Variants in PRKCE observed in about 807,000 individuals in gnomAD.
PRKCE encodes protein kinase C epsilon.
In PRKCE, 16 loss-of-function variants were observed where a neutral mutation model predicts 85.4. The ratio of observed to expected loss-of-function variants is 0.19; its 90% CI spans 0.13 to 0.28. The LOEUF (loss-of-function observed/expected upper bound fraction) is 0.28, where lower values mean the gene tolerates loss of function less well. PRKCE is among the 10% of genes least tolerant of loss of function. The pLI is 1.00. For missense variants in PRKCE, 573 were observed against 975.2 expected (o/e 0.59, Z 5.49); for synonymous variants, 388 against 371.5 (o/e 1.04, Z -0.51).
chr2:45,748,048 T>C (rs1315005250), intron 1 of PRKCE, among the ~76,000 whole-genome samples: 1 of 152,210 alleles, frequency 6.6e-6, no homozygotes, highest in Non-Finnish European at 1.5e-5. Flanking sequence ...ATAGGGGTTC[T>C]TTGTATATTC....
chr2:45,676,156 G>C (rs1187763441), intron 1 of PRKCE: 2 of 152,142 alleles, frequency 1.3e-5, no homozygotes, highest in Non-Finnish European at 2.9e-5. Flanking sequence ...GCTTCACTGG[G>C]GGTGTCATTA....
At chr2:45,677,974 C>G (rs1412810591) in intron 1 of PRKCE, 3 of 837,986 alleles carry the variant, frequency 3.6e-6, no homozygotes, top group African/African-American at 1.8e-5. Context: ...ATGTAAATAT[C>G]AACTTGATTT....
At chr2:46,058,940 C>G (rs918968319) in intron 10 of PRKCE, among the ~76,000 whole-genome samples, 1 of 152,192 alleles carries the variant, frequency 6.6e-6, no homozygotes, top group African/African-American at 2.4e-5. Flanking sequence ...TCAAGTGATC[C>G]TCTTGCCTTC....
At chr2:45,678,055 A>G (rs997481417) in intron 1 of PRKCE, 2 of 220,210 alleles carry the variant, frequency 9.1e-6, no homozygotes, top group Non-Finnish European at 7.7e-6. Context: ...CCAGGGGGAA[A>G]ACTTTGTGGT....
At chr2:45,702,685 C>CT (rs563526016) in intron 1 of PRKCE, among the ~76,000 whole-genome samples, 18 of 152,082 alleles carry the variant, frequency 1.2e-4, no homozygotes, top group Admixed American at 6.5e-4. Context: ...TAGAACCCTT[C>CT]TTTTTTTTCC....
At chr2:45,984,523 G>T in intron 5 of PRKCE, 28 bp from the exon 6 acceptor site, 1 of 1,598,018 alleles carries the variant, frequency 6.3e-7, no homozygotes, top group South Asian at 1.1e-5. Flanking sequence ...GAGCTCGGTG[G>T]TGAACCTGTA....
intron 1 of PRKCE, among the ~76,000 whole-genome samples, chr2:45,801,017 A>C (rs560477246): frequency 1.3e-5 from 2 of 152,088 alleles, no homozygotes; most frequent in Non-Finnish European, 2.9e-5. Context: ...GATGGGTAAG[A>C]ATTAGTGGGG....
chr2:46,075,398 A>G (rs573453192), intron 10 of PRKCE, among the ~76,000 whole-genome samples: 24 of 152,050 alleles, frequency 1.6e-4, no homozygotes, highest in Non-Finnish European at 2.2e-4. Context: ...ACAGCTGGCT[A>G]CTGGTGGCAA....
intron 9 of PRKCE, among the ~76,000 whole-genome samples, chr2:46,009,273 A>G (rs1280594138): frequency 1.3e-5 from 2 of 152,232 alleles, no homozygotes; most frequent in African/African-American, 4.8e-5. Context: ...ACAGAAAATT[A>G]TAAAACAGGC....
chr2:45,719,900 G>T (rs755804790), intron 1 of PRKCE, among the ~76,000 whole-genome samples: 1 of 152,078 alleles, frequency 6.6e-6, no homozygotes, highest in Non-Finnish European at 1.5e-5. Context: ...ACCTAGTCTG[G>T]GTGAGAGAAA....
upstream of PRKCE, chr2:45,651,509 C>G (rs1482628581): frequency 6.6e-6 from 1 of 152,164 alleles, no homozygotes; most frequent in Admixed American, 6.5e-5. Flanking sequence ...GGACCATTTC[C>G]TCTCGACATG....
At chr2:45,916,790 C>G (rs912220544) in intron 2 of PRKCE, among the ~76,000 whole-genome samples, 1 of 152,152 alleles carries the variant, frequency 6.6e-6, no homozygotes. Context: ...TCACTGACTT[C>G]AAGAATGAAG....
chr2:45,678,356 A>G (rs991574498), intron 1 of PRKCE, among the ~76,000 whole-genome samples: 2 of 152,354 alleles, frequency 1.3e-5, no homozygotes, highest in Admixed American at 1.3e-4. Flanking sequence ...GTTGTGATAT[A>G]TAATTTTGGT....
chr2:46,040,747 A>G (rs1414797230), intron 10 of PRKCE, among the ~76,000 whole-genome samples: 2 of 152,240 alleles, frequency 1.3e-5, no homozygotes, highest in Admixed American at 1.3e-4. Context: ...TGTTTATGAC[A>G]CAGAGTTAAC....
Position 46,184,631 on chromosome 2 carries a change from G to C in PRKCE, c.2068-104G>C. 4 of 1,416,244 alleles carry C rather than the reference G, an allele frequency of 2.8e-6. No homozygotes were observed. The highest frequency in any genetic ancestry group is 3.8e-6 in the Non-Finnish European group (4 of 1,047,410). 87.7% of individuals were successfully genotyped at this position (1,416,244 alleles called of 1,614,324 possible). On this transcript the variant is annotated intron_variant, in intron 14 of 14. Transcript: ENST00000306156. This position sits in a 1 kb window ranked among gnomAD's most constrained non-coding sequence, Gnocchi z 5.0. ...GTCTGCTGTCTGTTGGTAGCTAGAG[G>C]CCTGCTTTGGTGACAGGCTGGTCAG...
intron 11 of PRKCE, among the ~76,000 whole-genome samples, chr2:46,089,840 T>C (rs1669993120): frequency 6.6e-6 from 1 of 152,168 alleles, no homozygotes; most frequent in Admixed American, 6.5e-5. Flanking sequence ...TGCCACCCTT[T>C]AGGCACTCCA....
At chr2:46,127,659 C>G (rs969959585) in intron 11 of PRKCE, among the ~76,000 whole-genome samples, 2 of 152,214 alleles carry the variant, frequency 1.3e-5, no homozygotes, top group African/African-American at 4.8e-5. Flanking sequence ...AAATCTTTGA[C>G]AGTGAGTGGC....
At chr2:45,747,163 AC>A (rs1401168776) in intron 1 of PRKCE, among the ~76,000 whole-genome samples, 3 of 152,252 alleles carry the variant, frequency 2.0e-5, no homozygotes, top group African/African-American at 7.2e-5. Flanking sequence ...GTAATATGAA[AC>A]AACTGGGTAT....
intron 11 of PRKCE, among the ~76,000 whole-genome samples, chr2:46,116,769 G>A (rs1052949251): frequency 6.6e-6 from 1 of 152,072 alleles, no homozygotes; most frequent in African/African-American, 2.4e-5. Flanking sequence ...CCCCTTGAAG[G>A]TCTGGCTAGA....
Sources: gnomAD v4.1 joint callset for allele counts (sites outside exome capture counted in the v4.1 genomes callset) on GRCh38, gnomAD v4.1.1 for gene constraint, Gnocchi (gnomAD v3.1) non-coding constraint, MANE v1.5 for transcripts, NCBI Gene and HGNC (gene_info 2026-07-23, HGNC 2026-07-21) for gene names.